Variants in NLN observed in about 807,000 individuals in gnomAD.
NLN encodes neurolysin, also known as neurolysin, mitochondrial.
Under a neutral mutation model 79.9 loss-of-function variants are expected in NLN, and 64 were observed. The ratio of observed to expected loss-of-function variants is 0.80; its 90% CI spans 0.65 to 0.99. The LOEUF is 0.99. Among genes scored for constraint, NLN ranks in the 50% least tolerant of loss-of-function variants. The pLI, the probability that NLN is intolerant of heterozygous loss-of-function variation, is 0.00. For synonymous variants in NLN, 267 were observed against 296.6 expected (o/e 0.90, Z 1.02); for missense variants, 835 against 858.7 (o/e 0.97, Z 0.34).
intron 3 of NLN, among the ~76,000 whole-genome samples, chr5:65,767,475 G>C (rs1300266531): frequency 2.6e-5 from 4 of 152,168 alleles, no homozygotes; most frequent in Non-Finnish European, 5.9e-5. Context: ...AGGGGAAGGA[G>C]GGGGGAGCAC....
chr5:65,742,080 T>G (rs1369435194), intron 1 of NLN, among the ~76,000 whole-genome samples: 1 of 152,196 alleles, frequency 6.6e-6, no homozygotes, highest in East Asian at 1.9e-4. Flanking sequence ...CTTAAGTAGT[T>G]TCTAACATTT....
intron 12 of NLN, among the ~76,000 whole-genome samples, chr5:65,820,024 G>A (rs570826169): frequency 6.6e-6 from 1 of 152,324 alleles, no homozygotes; most frequent in Non-Finnish European, 1.5e-5. Flanking sequence ...GCCACATATT[G>A]TGAGACTAAA....
chr5:65,772,464 A>G (rs1398411305), intron 3 of NLN, among the ~76,000 whole-genome samples: 1 of 152,302 alleles, frequency 6.6e-6, no homozygotes, highest in Admixed American at 6.5e-5. Flanking sequence ...GGCATATTGA[A>G]TTAGTAGTCA....
At chr5:65,806,354 C>T (rs542719983) in intron 9 of NLN, among the ~76,000 whole-genome samples, 1 of 152,280 alleles carries the variant, frequency 6.6e-6, no homozygotes, top group South Asian at 2.1e-4. Context: ...AAAGGATTCA[C>T]CATTCCAAAT....
intron 12 of NLN, among the ~76,000 whole-genome samples, chr5:65,813,428 G>C (rs998117660): frequency 6.6e-6 from 1 of 152,060 alleles, no homozygotes; most frequent in Non-Finnish European, 1.5e-5. Context: ...CTCCACCATA[G>C]AGATAGTGCC....
chr5:65,733,199 G>A lies in NLN; in HGVS notation c.41+10785G>A, dbSNP rs1408361115. The A allele has an allele frequency of 8.6e-6, 13 of 1,511,714 alleles. 1 individual carries two copies. Among genetic ancestry groups the A allele is most frequent in the Admixed American group, 1.7e-5 (1 of 58,170 alleles). The allele number at this position is 1,511,714 out of a possible 1,614,324, so 93.6% of individuals were successfully genotyped here. The stretch of plus-strand genomic sequence containing the variant: ...AGTAACCAAGCCTCAGTCAGCTAAA[G>A]GAGCTGCATCTGATTCATATCCTAA... On this transcript the variant is annotated intron_variant, in intron 1 of 12. Transcript: ENST00000380985.
chr5:65,811,166 A>C (rs1275194622), intron 11 of NLN, among the ~76,000 whole-genome samples: 2 of 152,162 alleles, frequency 1.3e-5, no homozygotes, highest in Admixed American at 6.5e-5. Flanking sequence ...GTAGTTGGTA[A>C]GGTGGATTTT....
chr5:65,811,790 C>G (rs1395671354), intron 11 of NLN, among the ~76,000 whole-genome samples: 1 of 152,168 alleles, frequency 6.6e-6, no homozygotes, highest in African/African-American at 2.4e-5. Flanking sequence ...CCACTGTACT[C>G]CAGCTTGGGC....
intron 1 of NLN, among the ~76,000 whole-genome samples, chr5:65,735,479 T>G (rs954596351): frequency 3.9e-5 from 6 of 152,210 alleles, no homozygotes; most frequent in African/African-American, 1.4e-4. Flanking sequence ...GAGCCATTCC[T>G]TGCTTTTTTC....
intron 1 of NLN, among the ~76,000 whole-genome samples, chr5:65,753,630 A>T (rs115937461): frequency 5.7e-4 from 86 of 151,044 alleles, no homozygotes; most frequent in African/African-American, 1.9e-3. Flanking sequence ...AACCTAGGGG[A>T]TAGAGTGAGA....
At chr5:65,809,920 C>A in intron 10 of NLN, 117 bp from the exon 11 acceptor site, 1 of 1,202,724 alleles carries the variant, frequency 8.3e-7, no homozygotes, top group Admixed American at 2.0e-5. Flanking sequence ...AATGAGATGT[C>A]CTGCTCCCAT....
intron 12 of NLN, among the ~76,000 whole-genome samples, chr5:65,815,122 T>C (rs1017337751): frequency 2.4e-4 from 37 of 152,192 alleles, no homozygotes; most frequent in African/African-American, 8.9e-4. Flanking sequence ...TGGCAATCAT[T>C]GGTGAGGCTT....
intron 9 of NLN, among the ~76,000 whole-genome samples, chr5:65,801,566 C>T (rs747299308): frequency 4.6e-4 from 70 of 152,238 alleles, no homozygotes; most frequent in Non-Finnish European, 7.8e-4. Flanking sequence ...AAAGGGCTCA[C>T]AGAGAAACAG....
chr5:65,743,790 G>A (rs1481207211), intron 1 of NLN, among the ~76,000 whole-genome samples: 2 of 152,040 alleles, frequency 1.3e-5, no homozygotes, highest in Non-Finnish European at 2.9e-5. Flanking sequence ...AACCATTTTT[G>A]TTTCCTTCAT....
intron 12 of NLN, among the ~76,000 whole-genome samples, chr5:65,821,518 G>A (rs1225391939): frequency 1.3e-5 from 2 of 152,056 alleles, no homozygotes; most frequent in Non-Finnish European, 2.9e-5. Flanking sequence ...TAGATATAGT[G>A]GTTTAAAATA....
Position 65,722,228 on chromosome 5 carries a change from A to G in NLN, c.-146A>G, listed in dbSNP as rs1466014915. 7 of 433,786 alleles carry G rather than the reference A, an allele frequency of 1.6e-5. No individual in the cohort carries two copies. Among genetic ancestry groups the G allele is most frequent in the Non-Finnish European group, 2.7e-5 (7 of 257,638 alleles). 26.9% of individuals were successfully genotyped at this position (433,786 alleles called of 1,614,324 possible). On this transcript the variant is annotated 5_prime_UTR_variant, in exon 1 of 13. Transcript: ENST00000380985. ...GTAGGCGCCGGCGTGGAGCTGCCGC[A>G]CGTGGGAGGGCGCTGGCCAGGCAGC... is the stretch of plus-strand genomic sequence containing the variant.
intron 9 of NLN, among the ~76,000 whole-genome samples, chr5:65,804,657 T>C (rs1760368141): frequency 6.6e-6 from 1 of 152,198 alleles, no homozygotes; most frequent in African/African-American, 2.4e-5. Context: ...GCCTCCTAAG[T>C]AGCTGGGATT....
intron 3 of NLN, among the ~76,000 whole-genome samples, chr5:65,765,479 T>C (rs749014351): frequency 1.3e-5 from 2 of 152,058 alleles, no homozygotes; most frequent in African/African-American, 4.8e-5. Context: ...GACTGTGCCA[T>C]TGGGCTCCAG....
intron 12 of NLN, among the ~76,000 whole-genome samples, chr5:65,820,655 T>G (rs1246086378): frequency 6.6e-6 from 1 of 152,182 alleles, no homozygotes; most frequent in Non-Finnish European, 1.5e-5. Context: ...ACTCACATTT[T>G]AGATTCTAGA....
Sources: gnomAD v4.1 joint callset for allele counts (sites outside exome capture counted in the v4.1 genomes callset) on GRCh38, gnomAD v4.1.1 for gene constraint, MANE v1.5 for transcripts, NCBI Gene and HGNC (gene_info 2026-07-23, HGNC 2026-07-21) for gene names.